PRKAG2: variants seen among roughly 807,000 people sequenced by gnomAD.
The protein encoded by PRKAG2 is protein kinase AMP-activated non-catalytic subunit gamma 2.
In PRKAG2, 26 loss-of-function variants were observed where a neutral mutation model predicts 69.6. The observed-to-expected ratio is 0.37, with a 90% CI of 0.27 to 0.52. The LOEUF is 0.52. Ranked by LOEUF, PRKAG2 falls within the 20% of genes least tolerant of loss-of-function variation. PRKAG2 has a pLI of 0.90. For synonymous variants in PRKAG2, 293 were observed against 285.0 expected, an observed-to-expected ratio of 1.03 and a Z score of -0.28; for missense variants, 557 against 740.0, an observed-to-expected ratio of 0.75 and a Z score of 2.87.
At chr7:151,798,984 G>A (rs1437182292) in intron 1 of PRKAG2, among the ~76,000 whole-genome samples, 2 of 152,024 alleles carry the variant, frequency 1.3e-5, no homozygotes, top group Non-Finnish European at 2.9e-5. Context: ...CCAGGCCACC[G>A]CTAGACCCAG....
At chr7:151,687,328 A>T (rs542776077) in intron 3 of PRKAG2, among the ~76,000 whole-genome samples, 2 of 50,300 alleles carry the variant, frequency 4.0e-5, no homozygotes, top group East Asian at 3.5e-4. Context: ...CTTAGAAAGC[A>T]GTCCTGGGGA....
intron 3 of PRKAG2, among the ~76,000 whole-genome samples, chr7:151,694,518 G>C (rs1419249588): frequency 6.6e-6 from 1 of 152,078 alleles, no homozygotes; most frequent in Non-Finnish European, 1.5e-5. Flanking sequence ...GGCCACTCTA[G>C]GGACCTCATA....
rs971612509 is a variant in PRKAG2, at chr7:151,814,816, G to C, written c.115-28275C>G. The C allele has an allele frequency of 4.1e-6, 5 of 1,231,628 alleles. No homozygotes were observed. Among genetic ancestry groups the C allele is most frequent in the Non-Finnish European group, 5.1e-6 (5 of 987,992 alleles). The allele number at this position is 1,231,628 out of a possible 1,614,324, so 76.3% of individuals were successfully genotyped here. On this transcript the variant is annotated intron_variant, in intron 1 of 15. Transcript: ENST00000287878. This position sits in a 1 kb window ranked among gnomAD's most constrained non-coding sequence, Gnocchi z 4.8. Reference sequence around the variant, plus strand: ...AGCTCGGGCAGATTCCCCCATTGACGGGACTGCAGCAAACTGTCATTCCCA... The same window carrying C: ...AGCTCGGGCAGATTCCCCCATTGACCGGACTGCAGCAAACTGTCATTCCCA...
At chr7:151,566,690 C>A in intron 11 of PRKAG2, 1 of 382,482 alleles carries the variant, frequency 2.6e-6, no homozygotes, top group Non-Finnish European at 5.1e-6. Flanking sequence ...ATATTCAAAT[C>A]ATGAGACTCC....
Position 151,719,479 on chromosome 7 carries a change from G to T in PRKAG2, c.467-43842C>A, listed in dbSNP as rs1257544575. Among the ~76,000 whole-genome samples, 2 of 152,062 alleles carry T rather than the reference G, an allele frequency of 1.3e-5. No homozygotes were observed. Among genetic ancestry groups the T allele is most frequent in the Admixed American group, 6.5e-5 (1 of 15,274 alleles). On this transcript the variant is annotated intron_variant, in intron 3 of 15. Coordinates refer to ENST00000287878, the MANE Select transcript of PRKAG2 (RefSeq NM_016203.4). The surrounding 1 kb of genome is among the most constrained non-coding windows in gnomAD (Gnocchi z 5.2). Reference sequence around the variant, plus strand: ...TGGGCTGCTCCCAGCCAATGCCTAAGCGCCGGGTGCTGGGTCACCCTGAGA... The same window carrying T: ...TGGGCTGCTCCCAGCCAATGCCTAATCGCCGGGTGCTGGGTCACCCTGAGA...
chr7:151,865,647 A>G (rs941974748), intron 1 of PRKAG2, among the ~76,000 whole-genome samples: 3 of 152,244 alleles, frequency 2.0e-5, no homozygotes, highest in African/African-American at 7.2e-5. Flanking sequence ...TTCCGAGTGT[A>G]GTGTTCATTC....
At chr7:151,721,504 C>T (rs1253207333) in intron 3 of PRKAG2, among the ~76,000 whole-genome samples, 1 of 152,120 alleles carries the variant, frequency 6.6e-6, no homozygotes, top group Non-Finnish European at 1.5e-5. Context: ...CATGCAGAAC[C>T]GAGGGTGACC....
At chr7:151,821,930 C>T (rs1041118405) in intron 1 of PRKAG2, among the ~76,000 whole-genome samples, 2 of 152,174 alleles carry the variant, frequency 1.3e-5, no homozygotes, top group Admixed American at 6.5e-5. Context: ...TACACACACG[C>T]GCACATATGC....
At chr7:151,861,660 C>T (rs531696796) in intron 1 of PRKAG2, among the ~76,000 whole-genome samples, 2 of 152,010 alleles carry the variant, frequency 1.3e-5, no homozygotes, top group East Asian at 1.9e-4. Flanking sequence ...CTCCCATGGG[C>T]GGCTTGTTAG....
In PRKAG2 at chr7:151,665,422, G is replaced by C. The variant is rs114777715; in HGVS notation, c.684+9998C>G. Among the ~76,000 whole-genome samples the C allele has an allele frequency of 5.1e-3, 778 of 152,282 alleles. 7 individuals are homozygous for C. Among genetic ancestry groups the C allele is most frequent in the African/African-American group, 0.018 (748 of 41,544 alleles). On this transcript the variant is annotated intron_variant, in intron 4 of 15. Coordinates refer to ENST00000287878, the MANE Select transcript of PRKAG2 (RefSeq NM_016203.4). ...AAGGGCCACGCTCCCAGTCGTGTGT[G>C]TCTCTCTCTCTGCCTTCTTTCTGTT...
chr7:151,697,822 C>T (rs1290941425), intron 3 of PRKAG2, among the ~76,000 whole-genome samples: 1 of 152,158 alleles, frequency 6.6e-6, no homozygotes, highest in Non-Finnish European at 1.5e-5. Flanking sequence ...CAACCTCATC[C>T]ACCCAGTGGC....
chr7:151,699,885 C>G lies in PRKAG2; in HGVS notation c.467-24248G>C, dbSNP rs11983465. On this transcript the variant is annotated intron_variant, in intron 3 of 15. Coordinates refer to ENST00000287878, the MANE Select transcript of PRKAG2 (RefSeq NM_016203.4). The surrounding 1 kb of genome is among the most constrained non-coding windows in gnomAD (Gnocchi z 4.5). ...GACTAAGATAAACTGGGGTACATAG[C>G]GGAGGAAGAAGGGAGTAGAGGGGCA... Among the ~76,000 whole-genome samples the G allele has an allele frequency of 0.31, 47,693 of 151,934 alleles. 7,714 individuals are homozygous for G. The highest frequency in any genetic ancestry group is 0.35 in the African/African-American group (14,538 of 41,412).
rs901131673 is a variant in PRKAG2, at chr7:151,583,690, C to A, written c.865-7238G>T. On this transcript the variant is annotated intron_variant, in intron 6 of 15. Transcript: ENST00000287878. The surrounding 1 kb of genome is among the most constrained non-coding windows in gnomAD (Gnocchi z 4.1). ...TTGCAGGAAGAAACCGCTCAGGGAT[C>A]TTGAGTACCTTTGAAAATTTCTTTC... is the stretch of plus-strand genomic sequence containing the variant. Among the ~76,000 whole-genome samples, 3 of 152,182 alleles carry A rather than the reference C, an allele frequency of 2.0e-5. No homozygotes were observed. Among genetic ancestry groups the A allele is most frequent in the Non-Finnish European group, 4.4e-5 (3 of 68,026 alleles).
At chr7:151,728,226 C>G (rs748443266) in intron 3 of PRKAG2, among the ~76,000 whole-genome samples, 3 of 152,124 alleles carry the variant, frequency 2.0e-5, no homozygotes, top group Admixed American at 2.0e-4. Flanking sequence ...CCTCAGGGAA[C>G]GTTCATGTTG....
At chr7:151,773,243 AAAG>A (rs1303266196) in intron 3 of PRKAG2, among the ~76,000 whole-genome samples, 1 of 151,992 alleles carries the variant, frequency 6.6e-6, no homozygotes, top group African/African-American at 2.4e-5. Context: ...GAAAGGAAAG[AAAG>A]AAGGAAAGAA....
At chr7:151,617,619 GT>G (rs553733760) in intron 5 of PRKAG2, among the ~76,000 whole-genome samples, 2 of 151,878 alleles carry the variant, frequency 1.3e-5, no homozygotes, top group African/African-American at 4.8e-5. Flanking sequence ...GCATTGTTGA[GT>G]TTTTTTAAAA....
At chr7:151,784,973 G>A (rs772014052) in intron 2 of PRKAG2, among the ~76,000 whole-genome samples, 8 of 152,240 alleles carry the variant, frequency 5.3e-5, no homozygotes, top group Non-Finnish European at 7.3e-5. Flanking sequence ...GGTGGGCTGC[G>A]TGGCGGTGCA....
intron 1 of PRKAG2, among the ~76,000 whole-genome samples, chr7:151,795,039 C>T (rs1426856703): frequency 3.3e-5 from 5 of 152,250 alleles, no homozygotes; most frequent in Non-Finnish European, 5.9e-5. Flanking sequence ...CCTGAGAGCC[C>T]CTTCCTAGTT....
At chr7:151,609,297 A>G (rs1053409526) in intron 5 of PRKAG2, among the ~76,000 whole-genome samples, 4 of 143,338 alleles carry the variant, frequency 2.8e-5, no homozygotes, top group Admixed American at 2.8e-4. Context: ...TTTAATTTAG[A>G]AAGAATTTAT....
Sources: allele counts gnomAD v4.1 joint callset (sites outside exome capture counted in the v4.1 genomes callset), GRCh38; gene constraint gnomAD v4.1.1; non-coding constraint Gnocchi (gnomAD v3.1); transcripts MANE v1.5; gene names NCBI Gene and HGNC (gene_info 2026-07-23, HGNC 2026-07-21).